Variants in MUC12 observed in about 807,000 individuals in gnomAD.
MUC12 encodes the protein mucin 12, cell surface associated.
Under a neutral mutation model 230.8 loss-of-function variants are expected in MUC12, and 172 were observed. The observed-to-expected ratio is 0.75, with a 90% CI of 0.66 to 0.85. The LOEUF (loss-of-function observed/expected upper bound fraction) is 0.85. Ranked by LOEUF, MUC12 falls within the 40% of genes least tolerant of loss-of-function variation. The pLI is 0.00. For synonymous variants in MUC12, 1,259 were observed against 2,401.9 expected, an observed-to-expected ratio of 0.52 and a Z score of 13.91; for missense variants, 3,506 against 5,920.6, an observed-to-expected ratio of 0.59 and a Z score of 13.38.
intron 1 of MUC12, among the ~76,000 whole-genome samples, chr7:100,989,630 A>G (rs1332131582): frequency 1.3e-5 from 2 of 152,134 alleles, no homozygotes. Flanking sequence ...ACAGAGGCAT[A>G]TAAGTACAGT....
Position 100,980,144 on chromosome 7 carries a change from A to T in MUC12, c.67+10455A>T, listed in dbSNP as rs568098159. On this transcript the variant is annotated intron_variant, in intron 1 of 11. Coordinates refer to ENST00000536621, the MANE Select transcript of MUC12 (RefSeq NM_001164462.2). ...CTGCAACCTCCACCTCCCAAGTTCA[A>T]GTGATTCCCCTGCCTCAGCCTCCCG... Among the ~76,000 whole-genome samples the T allele has an allele frequency of 3.3e-5, 5 of 152,082 alleles. No individual in the cohort carries two copies. In the South Asian group the frequency reaches 1.0e-3, roughly 32 times the overall value.
At position 100,991,503 on chromosome 7, in the gene MUC12, A is replaced by G. The variant is rs1793299972; in HGVS notation, c.940A>G (p.Thr314Ala). The change falls in exon 2 of 12, where the codon ACA (threonine) becomes GCA (alanine). Residue 314 changes from threonine to alanine, a missense_variant. Coordinates refer to ENST00000536621, the MANE Select transcript of MUC12 (RefSeq NM_001164462.2). ...TYHSSPSSTP[T>A]THFSASSTTL... is the part of the protein sequence containing the mutation. ...TCACAGCAGCCCGAGCTCAACTCCA[A>G]CAACCCACTTTTCTGCCAGCTCCAC... is the stretch of plus-strand genomic sequence containing the variant. 1 of 1,537,104 alleles carries G rather than the reference A, an allele frequency of 6.5e-7. No homozygotes were observed.
intron 5 of MUC12, among the ~76,000 whole-genome samples, 186 bp downstream of exon 5, chr7:101,009,345 A>G (rs1406957918): frequency 1.3e-5 from 2 of 152,126 alleles, no homozygotes; most frequent in Non-Finnish European, 2.9e-5. Flanking sequence ...CTCAACACAC[A>G]TTTGTTGAAA....
chr7:100,972,233 T>A, intron 1 of MUC12: 1 of 702,656 alleles, frequency 1.4e-6, no homozygotes, highest in South Asian at 1.5e-5. Flanking sequence ...AGAGAGAGGA[T>A]GAGTGATTTG....
chr7:100,989,978 C>T (rs1793253504), intron 1 of MUC12, among the ~76,000 whole-genome samples: 1 of 152,204 alleles, frequency 6.6e-6, no homozygotes, highest in African/African-American at 2.4e-5. Context: ...TAGGTGGGAG[C>T]CACCTCACCT....
intron 1 of MUC12, among the ~76,000 whole-genome samples, chr7:100,981,806 C>T (rs1057096554): frequency 1.2e-4 from 19 of 152,038 alleles, no homozygotes; most frequent in African/African-American, 4.3e-4. Context: ...CTTGGCCTCA[C>T]CAGCCTCTGT....
intron 11 of MUC12, 116 bp downstream of exon 11, chr7:101,017,779 C>CTT (rs1793959308): frequency 4.4e-6 from 3 of 681,054 alleles, no homozygotes; most frequent in African/African-American, 4.0e-5. Context: ...CTGGGACTCC[C>CTT]TCCCTTCCCC....
Position 101,004,893 on chromosome 7 carries a change from A to T in MUC12, c.14330A>T (p.His4777Leu), listed in dbSNP as rs1360432651. 2.6e-6 allele frequency: 4 copies of T among 1,537,524 alleles called. No individual in the cohort carries two copies. The highest frequency in any genetic ancestry group is 3.5e-6 in the Non-Finnish European group (4 of 1,147,024). The change falls in exon 2 of 12, where the codon CAC becomes CTC. Residue 4777 changes from histidine to leucine, a missense_variant. By Grantham distance (99) the His-to-Leu change is moderately conservative. Transcript: ENST00000536621. ...TSLYSQAEST[H>L]TTAFPASTTT... ...TTGTATAGCCAAGCAGAGTCAACAC[A>T]CACAACAGCGTTCCCTGCCAGCACC...
In MUC12 at chr7:101,004,972, A is replaced by C. The variant is rs1793716861; in HGVS notation, c.14409A>C (p.Ser4803=). The C allele has an allele frequency of 2.6e-6, 4 of 1,537,656 alleles. No homozygotes were observed. The highest frequency in any genetic ancestry group is 1.4e-5 in the African/African-American group (1 of 73,030). ...ESTTFHSKPG[S]TETTLSPGSI... ...CAACTTTCCACAGTAAGCCAGGCTCAACTGAGACAACACTGTCCCCTGGCA... is the reference window on the plus strand; with the variant it reads ...CAACTTTCCACAGTAAGCCAGGCTCCACTGAGACAACACTGTCCCCTGGCA... The change falls in exon 2 of 12, where the codon TCA becomes TCC. Residue 4803 remains serine (S), a synonymous_variant. Transcript: ENST00000536621.
chr7:100,980,803 A>T (rs1793094175), intron 1 of MUC12, among the ~76,000 whole-genome samples: 1 of 152,094 alleles, frequency 6.6e-6, no homozygotes, highest in African/African-American at 2.4e-5. Context: ...CTGTGGTCTC[A>T]GGTACTCTGG....
In MUC12 at chr7:100,991,007, C is replaced by G. The variant is rs1457703872; in HGVS notation, c.444C>G (p.Asp148Glu). The change falls in exon 2 of 12, where the codon GAC (aspartate) becomes GAG (glutamate). Residue 148 changes from aspartate (D) to glutamate (E), a missense_variant. Coordinates refer to ENST00000536621, the MANE Select transcript of MUC12 (RefSeq NM_001164462.2). The part of the protein sequence containing the change: ...TTFYSSPRSP[D>E]RTLSPARTTS... Reference sequence around the variant, plus strand: ...TCTACAGTAGCCCCAGATCACCAGACAGAACACTCTCACCTGCCCGCACGA... The same window carrying G: ...TCTACAGTAGCCCCAGATCACCAGAGAGAACACTCTCACCTGCCCGCACGA... 8 of 1,537,756 alleles carry G rather than the reference C, an allele frequency of 5.2e-6. No homozygotes were observed. In the Admixed American group the frequency reaches 5.9e-5, roughly 11 times the overall value.
Position 100,991,486 on chromosome 7 carries a change from G to C in MUC12, c.923G>C (p.Ser308Thr), listed in dbSNP as rs1167130715. 19 of 1,537,270 alleles carry C rather than the reference G, an allele frequency of 1.2e-5. No individual in the cohort carries two copies. The highest frequency in any genetic ancestry group is 1.6e-5 in the Non-Finnish European group (18 of 1,146,746). ...FVKLSTTYHS[S>T]PSSTPTTHFS... is the part of the protein sequence containing the mutation. ...AAACTATCTACAACTTATCACAGCA[G>C]CCCGAGCTCAACTCCAACAACCCAC... The change falls in exon 2 of 12, where the codon AGC (serine) becomes ACC (threonine). Residue 308 changes from serine (S) to threonine (T), a missense_variant. Ser to Thr is a moderately conservative substitution (Grantham distance 58). Transcript: ENST00000536621.
chr7:100,981,407 C>A, intron 1 of MUC12: 1 of 639,530 alleles, frequency 1.6e-6, no homozygotes, highest in Non-Finnish European at 2.8e-6. Flanking sequence ...TTTGCTAGCC[C>A]AGGGGACGAC....
chr7:100,988,926 GA>G (rs1407106123), intron 1 of MUC12, among the ~76,000 whole-genome samples: 1 of 151,972 alleles, frequency 6.6e-6, no homozygotes, highest in Non-Finnish European at 1.5e-5. Context: ...TTTATAAAGG[GA>G]AACCCCTTTC....
At position 100,990,711 on chromosome 7, in the gene MUC12, A is replaced by G; in HGVS notation, c.148A>G (p.Ser50Gly). The change falls in exon 2 of 12, where the codon AGT becomes GGT. Residue 50 changes from serine (S) to glycine (G), a missense_variant. Coordinates refer to ENST00000536621, the MANE Select transcript of MUC12 (RefSeq NM_001164462.2). The stretch of plus-strand genomic sequence containing the variant: ...TTCAAGCGACCCTTTTACCACCTTT[A>G]GTGACTATGGGGTGTCAGTCACATT... ...PSSSDPFTTF[S>G]DYGVSVTFIT... 6.5e-7 allele frequency: 1 copy of G among 1,537,874 alleles called. No individual in the cohort carries two copies. The highest frequency in any genetic ancestry group is 8.7e-7 in the Non-Finnish European group (1 of 1,147,054).
rs1353707117 is a variant in MUC12 at position 100,993,825 on chromosome 7, T to A, written c.3262T>A (p.Leu1088Ile). 3 of 1,471,596 alleles carry A rather than the reference T, an allele frequency of 2.0e-6. No homozygotes were observed. The highest frequency in any genetic ancestry group is 1.6e-5 in the African/African-American group (1 of 60,738). The allele number at this position is 1,471,596 out of a possible 1,614,324, so 91.2% of individuals were successfully genotyped here. A position where few individuals can be genotyped will look rare whatever the true frequency, so the allele number is the denominator to read the frequency against. ...TCCAGGCTCAACTGAAATAACAACG[T>A]TACCTGGCAGTACCACAACACCAGG... The part of the protein sequence containing the change: ...ISPGSTEITT[L>I]PGSTTTPGLS... Residue 1088 changes from leucine (L) to isoleucine (I), a missense_variant, in exon 2 of 12, where the codon TTA becomes ATA. Leu to Ile is a conservative substitution (Grantham distance 5). Transcript: ENST00000536621.
rs769889087 is a variant in MUC12 at position 100,993,871 on chromosome 7, C to A, written c.3308C>A (p.Thr1103Asn). 69 of 1,491,874 alleles carry A rather than the reference C, an allele frequency of 4.6e-5. No homozygotes were observed. In the African/African-American group the frequency reaches 7.1e-4, roughly 15 times the overall value. 92.4% of individuals were successfully genotyped at this position (1,491,874 alleles called of 1,614,324 possible). A position where few individuals can be genotyped will look rare whatever the true frequency, so the allele number is the denominator to read the frequency against. Residue 1103 changes from threonine to asparagine, a missense_variant, in exon 2 of 12, where the codon ACC (threonine) becomes AAC (asparagine). Thr to Asn is a moderately conservative substitution (Grantham distance 65, BLOSUM62 0). Coordinates refer to ENST00000536621, the MANE Select transcript of MUC12 (RefSeq NM_001164462.2). ...TTPGLSEAST[T>N]FYSSPRSPTT... ...CCAGGCCTCAGTGAGGCATCTACCA[C>A]CTTCTACAGCAGCCCCAGATCACCA...
rs1467921494 is a variant in MUC12 at position 101,004,637 on chromosome 7, A to G, written c.14074A>G (p.Thr4692Ala). Reference sequence around the variant, plus strand: ...AACAGCATCCCACAGCAGCCCAGATACAAATGGAATCACACCCTTACCTGC... The same window carrying G: ...AACAGCATCCCACAGCAGCCCAGATGCAAATGGAATCACACCCTTACCTGC... ...ESTASHSSPD[T>A]NGITPLPAHF... is the part of the protein sequence containing the mutation. The change falls in exon 2 of 12, where the codon ACA (threonine) becomes GCA (alanine). Residue 4692 changes from threonine (T) to alanine (A), a missense_variant. By Grantham distance (58) the Thr-to-Ala change is moderately conservative. Transcript: ENST00000536621. The G allele has an allele frequency of 2.6e-6, 4 of 1,537,226 alleles. No individual in the cohort carries two copies. The highest frequency in any genetic ancestry group is 2.7e-5 in the African/African-American group (2 of 72,986).
chr7:100,990,474 A>G, intron 1 of MUC12, 157 bp from the exon 2 acceptor site: 2 of 869,178 alleles, frequency 2.3e-6, no homozygotes, highest in Non-Finnish European at 3.5e-6. Flanking sequence ...TACAGGTTCA[A>G]CTGACACTTC....
Sources: gnomAD v4.1 joint callset for allele counts (sites outside exome capture counted in the v4.1 genomes callset) on GRCh38, gnomAD v4.1.1 for gene constraint, MANE v1.5 for transcripts, NCBI Gene and HGNC (gene_info 2026-07-23, HGNC 2026-07-21) for gene names.